The following PRDM11 variants were observed in gnomAD, a reference collection of about 807,000 sequenced individuals.
The protein encoded by PRDM11 is PR domain-containing protein 11.
Under a neutral mutation model 97.8 loss-of-function variants are expected in PRDM11, and 20 were observed. The observed-to-expected ratio is 0.20, with a 90% confidence interval of 0.14 to 0.30. PRDM11 has a LOEUF of 0.30. Among genes scored for constraint, PRDM11 ranks in the 10% least tolerant of loss-of-function variants. PRDM11 has a pLI of 1.00. For missense variants in PRDM11, 1,139 were observed against 1,555.2 expected, an observed-to-expected ratio of 0.73 and a Z score of 4.50; for synonymous variants, 599 against 637.7, an observed-to-expected ratio of 0.94 and a Z score of 0.91.
At chr11:45,167,309 C>A (rs2863156) in intron 1 of PRDM11, among the ~76,000 whole-genome samples, 24,829 of 152,150 alleles carry the variant, frequency 0.16, 2,442 homozygotes, top group African/African-American at 0.27. Context: ...CACACATAAA[C>A]ACACACATAC....
At chr11:45,194,620 A>G in intron 4 of PRDM11, among the ~76,000 whole-genome samples, 3 of 65,020 alleles carry the variant, frequency 4.6e-5, no homozygotes, top group African/African-American at 1.2e-4. Context: ...TTTTTTTGAG[A>G]CGGAGTCTCG....
intron 4 of PRDM11, among the ~76,000 whole-genome samples, chr11:45,201,814 A>G (rs1853337923): frequency 6.6e-6 from 1 of 151,890 alleles, no homozygotes; most frequent in African/African-American, 2.4e-5. Context: ...AAAAAAAAAC[A>G]CAAAAAAAAT....
intron 4 of PRDM11, among the ~76,000 whole-genome samples, chr11:45,200,105 A>G (rs902877460): frequency 6.6e-6 from 1 of 152,192 alleles, no homozygotes; most frequent in African/African-American, 2.4e-5. Flanking sequence ...CTCTCCCTCC[A>G]TGACATTTGT....
chr11:45,224,463 T>C lies in PRDM11; in HGVS notation c.989T>C (p.Val330Ala). The change falls in exon 7 of 8, where the codon GTC (valine) becomes GCC (alanine). Residue 330 changes from valine (V) to alanine (A), a missense_variant. Physicochemically the swap from Val to Ala is moderately conservative, Grantham distance 64. Coordinates refer to ENST00000683152, the MANE Select transcript of PRDM11 (RefSeq NM_001384648.1). ...CAGTTGGCCCTGAGCACCTCACTGG[T>C]CATCAGGAAAGTCCCCAAATACCAG... ...AHQLALSTSLVIRKVPKYQDD... is the reference protein window; with the variant it reads ...AHQLALSTSLAIRKVPKYQDD... The C allele has an allele frequency of 6.2e-7, 1 of 1,614,104 alleles. No homozygotes were observed. The highest frequency in any genetic ancestry group is 8.5e-7 in the Non-Finnish European group (1 of 1,180,006).
chr11:45,153,072 A>G (rs1851699769), intron 1 of PRDM11, among the ~76,000 whole-genome samples: 1 of 152,242 alleles, frequency 6.6e-6, no homozygotes, highest in African/African-American at 2.4e-5. Context: ...GAGAGTGACC[A>G]TTCCCAGGGA....
Position 45,227,399 on chromosome 11 carries a change from C to T in PRDM11, c.2774C>T (p.Ser925Phe), listed in dbSNP as rs1422170848. The T allele has an allele frequency of 3.3e-6, 5 of 1,533,790 alleles. No individual in the cohort carries two copies. In the African/African-American group the frequency reaches 4.1e-5, roughly 13 times the overall value. ...AIQEISRLAD[S>F]PGEYLQEFEE... ...CAGGAGATCAGCCGGCTGGCTGACT[C>T]CCCGGGAGAATACCTGCAGGAGTTC... Residue 925 changes from serine (S) to phenylalanine (F), a missense_variant, in exon 8 of 8, where the codon TCC becomes TTC. Around this residue, in one of 2 missense-constraint regions of PRDM11, gnomAD observed 710 missense variants for 1,044.9 expected, o/e 0.68. Coordinates refer to ENST00000683152, the MANE Select transcript of PRDM11 (RefSeq NM_001384648.1). This position sits in a 1 kb window ranked among gnomAD's most constrained non-coding sequence, Gnocchi z 8.0.
intron 1 of PRDM11, among the ~76,000 whole-genome samples, chr11:45,101,690 C>T (rs77701363): frequency 8.7e-6 from 1 of 114,572 alleles, no homozygotes; most frequent in East Asian, 2.9e-4. Context: ...AAGAAGAAGG[C>T]GTTCAGGGCT....
intron 5 of PRDM11, among the ~76,000 whole-genome samples, chr11:45,209,752 T>C (rs535260602): frequency 4.6e-5 from 7 of 152,268 alleles, no homozygotes; most frequent in African/African-American, 1.7e-4. Flanking sequence ...ACATTCTTCA[T>C]AGTTTTTGAG....
intron 1 of PRDM11, among the ~76,000 whole-genome samples, chr11:45,109,929 C>T (rs1852138163): frequency 6.6e-6 from 1 of 152,088 alleles, no homozygotes. Flanking sequence ...TCACAGTCAC[C>T]ACTCCTTTCA....
intron 1 of PRDM11, among the ~76,000 whole-genome samples, chr11:45,115,407 G>A (rs967212141): frequency 1.3e-5 from 2 of 152,132 alleles, no homozygotes; most frequent in African/African-American, 2.4e-5. Context: ...AAAGATTCAG[G>A]TGACAAATAG....
At position 45,155,405 on chromosome 11, in the gene PRDM11, C is replaced by T. The variant is rs1032552921; in HGVS notation, c.-7+8528C>T. Among the ~76,000 whole-genome samples, 7 of 152,258 alleles carry T rather than the reference C, an allele frequency of 4.6e-5. No homozygotes were observed. In the East Asian group the frequency reaches 5.8e-4, roughly 13 times the overall value. On this transcript the variant is annotated intron_variant, in intron 1 of 7. Transcript: ENST00000683152. ...GCAGCCAACTGGGACCCAGCCAGGGCGGACTCAGCACCGTCATGGCCCAAG... is the reference window on the plus strand; with the variant it reads ...GCAGCCAACTGGGACCCAGCCAGGGTGGACTCAGCACCGTCATGGCCCAAG...
chr11:45,166,832 C>T (rs1353464260), intron 1 of PRDM11, among the ~76,000 whole-genome samples: 2 of 152,232 alleles, frequency 1.3e-5, no homozygotes, highest in Non-Finnish European at 2.9e-5. Context: ...TCCACAGTGC[C>T]TCCTCCTCCA....
intron 1 of PRDM11, among the ~76,000 whole-genome samples, chr11:45,168,124 T>C (rs1852111222): frequency 6.6e-6 from 1 of 151,980 alleles, no homozygotes; most frequent in African/African-American, 2.4e-5. Context: ...CTGGGCAAGA[T>C]TGGGCAAATA....
At chr11:45,205,401 C>T (rs1162927661) in intron 5 of PRDM11, among the ~76,000 whole-genome samples, 1 of 152,074 alleles carries the variant, frequency 6.6e-6, no homozygotes, top group Non-Finnish European at 1.5e-5. Flanking sequence ...ATGGGTCCAG[C>T]GTGATGCTGA....
At chr11:45,137,880 T>A (rs1852905812) in intron 1 of PRDM11, among the ~76,000 whole-genome samples, 1 of 152,212 alleles carries the variant, frequency 6.6e-6, no homozygotes, top group African/African-American at 2.4e-5. Flanking sequence ...AGAGCAGGAC[T>A]AGACTTATGA....
Position 45,229,266 on chromosome 11 carries a change from C to T in PRDM11, c.*1107C>T, listed in dbSNP as rs571130000. The stretch of plus-strand genomic sequence containing the variant: ...CAGGTAGTGTCAATGCAAATTGTGC[C>T]CTAAGTTATGCATAACTCAAATGAG... On this transcript the variant is annotated 3_prime_UTR_variant, in exon 8 of 8. Coordinates refer to ENST00000683152, the MANE Select transcript of PRDM11 (RefSeq NM_001384648.1). 4.3e-4 allele frequency: 66 copies of T among 152,164 alleles called. No individual in the cohort carries two copies. The highest frequency in any genetic ancestry group is 1.5e-3 in the African/African-American group (61 of 41,506). The allele number at this position is 152,164 out of a possible 1,614,324, so 9.4% of individuals were successfully genotyped here.
intron 1 of PRDM11, among the ~76,000 whole-genome samples, chr11:45,173,267 G>A (rs927811497): frequency 1.3e-5 from 2 of 152,152 alleles, no homozygotes; most frequent in Admixed American, 6.5e-5. Flanking sequence ...CCAGTGGGGA[G>A]TAATGAGGTA....
intron 4 of PRDM11, among the ~76,000 whole-genome samples, chr11:45,188,830 G>A (rs1317683117): frequency 1.3e-5 from 2 of 152,252 alleles, no homozygotes; most frequent in Non-Finnish European, 1.5e-5. Context: ...GCATTTGGGG[G>A]TGCTGCGCAG....
chr11:45,224,555 G>A lies in PRDM11; in HGVS notation c.1081G>A (p.Gly361Arg). 2 of 1,614,088 alleles carry A rather than the reference G, an allele frequency of 1.2e-6. No homozygotes were observed. Among genetic ancestry groups the A allele is most frequent in the Non-Finnish European group, 8.5e-7 (1 of 1,180,030 alleles). The change falls in exon 7 of 8, where the codon GGG (glycine) becomes AGG (arginine). Residue 361 changes from glycine (G) to arginine (R), a missense_variant. By Grantham distance (125) the Gly-to-Arg change is moderately radical. Around this residue, in one of 2 missense-constraint regions of PRDM11, gnomAD observed 429 missense variants for 510.3 expected, o/e 0.84. Coordinates refer to ENST00000683152, the MANE Select transcript of PRDM11 (RefSeq NM_001384648.1). Reference sequence around the variant, plus strand: ...TGTGCAGAATATAGGCCAGACCCAGGGGGAGGGGGACTGGAAGGTCCCCCA... The same window carrying A: ...TGTGCAGAATATAGGCCAGACCCAGAGGGAGGGGGACTGGAAGGTCCCCCA... Reference protein sequence around the residue: ...HGVQNIGQTQGEGDWKVPQGV... With the variant: ...HGVQNIGQTQREGDWKVPQGV...
Sources: gnomAD v4.1 joint callset for allele counts (sites outside exome capture counted in the v4.1 genomes callset) on GRCh38, gnomAD v4.1.1 for gene constraint, gnomAD v4.1.1 regional missense constraint, Gnocchi (gnomAD v3.1) non-coding constraint, MANE v1.5 for transcripts, NCBI Gene and HGNC (gene_info 2026-07-23, HGNC 2026-07-21) for gene names.